The following SGMS2 variants were observed in gnomAD, a reference collection of about 807,000 sequenced individuals.
SGMS2 encodes the protein sphingomyelin synthase 2.
In SGMS2, 21 loss-of-function variants were observed where a neutral mutation model predicts 43.8. That is an observed-to-expected ratio of 0.48 (90% CI 0.34 to 0.69). SGMS2 has a LOEUF of 0.69. Among genes scored for constraint, SGMS2 ranks in the 30% least tolerant of loss-of-function variants. The pLI is 0.01. For missense variants in SGMS2, 384 were observed against 443.2 expected (o/e 0.87, Z 1.20); for synonymous variants, 167 against 160.6 (o/e 1.04, Z -0.30).
chr4:107,889,204 AT>A (rs1730004815), intron 2 of SGMS2, among the ~76,000 whole-genome samples: 1 of 152,158 alleles, frequency 6.6e-6, no homozygotes, highest in Non-Finnish European at 1.5e-5. Context: ...AGATGTAGCT[AT>A]TTTTTATTAA....
At chr4:107,870,484 G>A (rs776393400) in intron 2 of SGMS2, among the ~76,000 whole-genome samples, 2 of 152,164 alleles carry the variant, frequency 1.3e-5, no homozygotes, top group Non-Finnish European at 2.9e-5. Flanking sequence ...TACATGAGTT[G>A]TAAGCATCTG....
At chr4:107,890,127 A>G (rs1730080857) in intron 2 of SGMS2, among the ~76,000 whole-genome samples, 1 of 152,204 alleles carries the variant, frequency 6.6e-6, no homozygotes, top group East Asian at 1.9e-4. Flanking sequence ...ATTTTAGTCA[A>G]TAAATCAGGT....
At chr4:107,866,220 T>C (rs921761003) in intron 2 of SGMS2, among the ~76,000 whole-genome samples, 3 of 152,188 alleles carry the variant, frequency 2.0e-5, no homozygotes, top group Non-Finnish European at 4.4e-5. Flanking sequence ...TTCACATGGA[T>C]GTGTTATCCA....
At chr4:107,894,192 C>CGGGGGAGGCG (rs60526603) in intron 2 of SGMS2, 3 of 151,964 alleles carry the variant, frequency 2.0e-5, no homozygotes, top group Non-Finnish European at 2.9e-5. Flanking sequence ...TACCCTGAAA[C>CGGGGGAGGCG]GGGGAGGCAG....
At chr4:107,846,191 C>A (rs1210673638) in intron 1 of SGMS2, among the ~76,000 whole-genome samples, 1 of 150,580 alleles carries the variant, frequency 6.6e-6, no homozygotes, top group Admixed American at 6.6e-5. Flanking sequence ...ATACATGTGC[C>A]ATGCTGGTGT....
At chr4:107,909,028 A>C (rs766688751) in intron 6 of SGMS2, among the ~76,000 whole-genome samples, 3 of 152,190 alleles carry the variant, frequency 2.0e-5, no homozygotes, top group Non-Finnish European at 4.4e-5. Flanking sequence ...CTGTAAAAGC[A>C]TTGTAGTGCA....
chr4:107,890,150 G>A (rs932007001), intron 2 of SGMS2, among the ~76,000 whole-genome samples: 1 of 152,150 alleles, frequency 6.6e-6, no homozygotes, highest in Non-Finnish European at 1.5e-5. Context: ...CAATATAAAA[G>A]CAAGCAGTTT....
intron 2 of SGMS2, among the ~76,000 whole-genome samples, chr4:107,860,525 GT>G (rs1361818849): frequency 0.081 from 11,553 of 141,798 alleles, 667 homozygotes; most frequent in African/African-American, 0.18. Flanking sequence ...AGAGGAAGGT[GT>G]TTTTTTTTTT....
At chr4:107,899,538 T>C in intron 3 of SGMS2, 37 bp from the exon 4 acceptor site, 2 of 1,481,518 alleles carry the variant, frequency 1.3e-6, no homozygotes, top group Non-Finnish European at 1.9e-6. Context: ...AACCAACCAG[T>C]AAACTTGTTT....
chr4:107,886,418 T>A (rs1169865621), intron 2 of SGMS2, among the ~76,000 whole-genome samples: 1 of 147,346 alleles, frequency 6.8e-6, no homozygotes, highest in Non-Finnish European at 1.5e-5. Flanking sequence ...TTTCGCCATG[T>A]TGCCCAGACT....
At chr4:107,855,144 G>A (rs2126021602) in intron 1 of SGMS2, among the ~76,000 whole-genome samples, 1 of 152,014 alleles carries the variant, frequency 6.6e-6, no homozygotes, top group South Asian at 2.1e-4. Flanking sequence ...CTATATACCA[G>A]GTGCTGTTTC....
intron 1 of SGMS2, among the ~76,000 whole-genome samples, chr4:107,850,091 A>G (rs1217326561): frequency 6.6e-6 from 1 of 152,088 alleles, no homozygotes; most frequent in African/African-American, 2.4e-5. Flanking sequence ...TTCTCAGAAG[A>G]TCTGGTCATT....
rs2126175004 is a variant in SGMS2 at position 107,913,239 on chromosome 4, C to A, written c.*2686C>A. On this transcript the variant is annotated 3_prime_UTR_variant, in exon 7 of 7. Coordinates refer to ENST00000690982, the MANE Select transcript of SGMS2 (RefSeq NM_001375905.1). ...CATATAATTCCTATAGAGTATGCCA[C>A]ATTTTTTTTCTAACTCATTTCAAAT... 6.6e-6 allele frequency: 1 copy of A among 152,068 alleles called. No individual in the cohort carries two copies. The highest frequency in any genetic ancestry group is 2.1e-4 in the South Asian group (1 of 4,816). 9.4% of individuals were successfully genotyped at this position (152,068 alleles called of 1,614,324 possible).
chr4:107,850,141 C>G (rs1482821734), intron 1 of SGMS2, among the ~76,000 whole-genome samples: 1 of 152,156 alleles, frequency 6.6e-6, no homozygotes, highest in Non-Finnish European at 1.5e-5. Context: ...GTCTCTTGAT[C>G]CTGCTCTGGC....
At chr4:107,904,298 AG>A (rs1194511069) in intron 5 of SGMS2, among the ~76,000 whole-genome samples, 1 of 152,084 alleles carries the variant, frequency 6.6e-6, no homozygotes, top group African/African-American at 2.4e-5. Context: ...CATATTTAAA[AG>A]GGGGTCTTTC....
intron 4 of SGMS2, among the ~76,000 whole-genome samples, chr4:107,901,704 G>C (rs1199699969): frequency 6.6e-6 from 1 of 152,162 alleles, no homozygotes; most frequent in Admixed American, 6.5e-5. Flanking sequence ...CAGACAATCT[G>C]TGTTCTTCAA....
chr4:107,889,178 A>G (rs1182116641), intron 2 of SGMS2, among the ~76,000 whole-genome samples: 1 of 152,208 alleles, frequency 6.6e-6, no homozygotes, highest in African/African-American at 2.4e-5. Context: ...AAGTTATGGT[A>G]ATCTTACTAA....
intron 3 of SGMS2, among the ~76,000 whole-genome samples, chr4:107,899,034 C>G (rs1175241724): frequency 6.6e-6 from 1 of 152,074 alleles, no homozygotes; most frequent in Non-Finnish European, 1.5e-5. Flanking sequence ...TGTCAAAATA[C>G]CTTCAGATGG....
intron 1 of SGMS2, among the ~76,000 whole-genome samples, chr4:107,838,448 T>A (rs1336291161): frequency 2.0e-5 from 3 of 151,948 alleles, no homozygotes; most frequent in Non-Finnish European, 2.9e-5. Flanking sequence ...CTTCTTCTTT[T>A]TTTGAAGTTA....
Sources: gnomAD v4.1 joint callset for allele counts (sites outside exome capture counted in the v4.1 genomes callset) on GRCh38, gnomAD v4.1.1 for gene constraint, MANE v1.5 for transcripts, NCBI Gene and HGNC (gene_info 2026-07-23, HGNC 2026-07-21) for gene names.